Variants in FLNB observed in about 807,000 individuals in gnomAD.
The protein encoded by FLNB is filamin B.
FLNB carries 111 observed loss-of-function variants against 250.6 expected under a neutral mutation model. The observed-to-expected ratio is 0.44, with a 90% CI of 0.38 to 0.52. The LOEUF is 0.52. Among genes scored for constraint, FLNB ranks in the 20% least tolerant of loss-of-function variants. The pLI is 0.00. For synonymous variants in FLNB, 1,302 were observed against 1,372.1 expected (o/e 0.95, Z 1.13); for missense variants, 2,869 against 3,447.8 (o/e 0.83, Z 4.20).
At chr3:58,093,633 TCACACACACACACACA>T (rs3060336) in intron 4 of FLNB, among the ~76,000 whole-genome samples, 1 of 149,464 alleles carries the variant, frequency 6.7e-6, no homozygotes, top group Admixed American at 6.7e-5. Flanking sequence ...ATACTTATGT[TCACACACACACACACA>T]CACACACACA....
intron 1 of FLNB, among the ~76,000 whole-genome samples, chr3:58,020,224 T>TG (rs2097111795): frequency 6.6e-6 from 1 of 152,182 alleles, no homozygotes. Context: ...GTTTAACTGG[T>TG]GGGAGGGTGT....
chr3:58,105,027 G>A (rs2097257393), intron 10 of FLNB, 53 bp from the exon 11 acceptor site: 2 of 1,612,246 alleles, frequency 1.2e-6, no homozygotes, highest in Non-Finnish European at 1.7e-6. Flanking sequence ...TATGGCTATA[G>A]TGACACCTTA....
intron 1 of FLNB, among the ~76,000 whole-genome samples, chr3:58,012,561 C>G (rs1229111385): frequency 6.6e-6 from 1 of 152,152 alleles, no homozygotes; most frequent in Non-Finnish European, 1.5e-5. Flanking sequence ...AGGGTGGTGG[C>G]TGGATACCCA....
intron 1 of FLNB, among the ~76,000 whole-genome samples, chr3:58,020,735 A>C (rs557658592): frequency 4.0e-4 from 58 of 144,110 alleles, no homozygotes; most frequent in Non-Finnish European, 5.7e-4. Context: ...AAAAAAAAAA[A>C]GGCTACTAAA....
chr3:58,098,412 C>A (rs11712142), intron 7 of FLNB, among the ~76,000 whole-genome samples: 2 of 152,212 alleles, frequency 1.3e-5, no homozygotes, highest in African/African-American at 2.4e-5. Flanking sequence ...CTCAACGCAA[C>A]CTCCGCCTCC....
chr3:58,058,762 T>C (rs1379312963), intron 1 of FLNB, among the ~76,000 whole-genome samples: 1 of 152,230 alleles, frequency 6.6e-6, no homozygotes. Context: ...AAGTTGTAGA[T>C]TAGAGAAAGC....
chr3:58,016,641 G>T (rs1292790782), intron 1 of FLNB, among the ~76,000 whole-genome samples: 2 of 151,942 alleles, frequency 1.3e-5, no homozygotes, highest in African/African-American at 4.8e-5. Context: ...TCCCCTTGGG[G>T]TGGACATACC....
chr3:58,125,717 G>A lies in FLNB; in HGVS notation c.4035G>A (p.Lys1345=), dbSNP rs752584745. The change falls in exon 23 of 46, where the codon AAG becomes AAA. Residue 1345 remains lysine (K), a synonymous_variant. Transcript: ENST00000295956. ...GPGLKEAFTN[K]PNVFTVVTRG... ...GATTGAAAGAGGCCTTTACCAACAA[G>A]CCCAATGTCTTCACCGTGGTTACCA... The A allele has an allele frequency of 6.2e-7, 1 of 1,614,058 alleles. No homozygotes were observed. The highest frequency in any genetic ancestry group is 2.2e-5 in the East Asian group (1 of 44,896).
Position 58,145,975 on chromosome 3 carries a change from A to G in FLNB, c.5480A>G (p.Tyr1827Cys). The G allele has an allele frequency of 6.2e-7, 1 of 1,614,172 alleles. No homozygotes were observed. Among genetic ancestry groups the G allele is most frequent in the Non-Finnish European group, 8.5e-7 (1 of 1,180,018 alleles). Reference sequence around the variant, plus strand: ...CCCAACAGTGGAAGTGTTTCTGCATACGGTCCAGGCCTCGTGTATGGAGTG... The same window carrying G: ...CCCAACAGTGGAAGTGTTTCTGCATGCGGTCCAGGCCTCGTGTATGGAGTG... ...NYPNSGSVSAYGPGLVYGVAN... is the reference protein window; with the variant it reads ...NYPNSGSVSACGPGLVYGVAN... The change falls in exon 33 of 46, where the codon TAC becomes TGC. Residue 1827 changes from tyrosine to cysteine, a missense_variant. Coordinates refer to ENST00000295956, the MANE Select transcript of FLNB (RefSeq NM_001457.4).
intron 1 of FLNB, among the ~76,000 whole-genome samples, chr3:58,056,868 C>T (rs868244608): frequency 1.3e-5 from 2 of 152,110 alleles, no homozygotes; most frequent in South Asian, 2.1e-4. Context: ...GGATTACAGG[C>T]GTGAGCCACC....
rs374353399 is a variant in FLNB, at chr3:58,008,467, G to T, written c.-98G>T. ...TCCGGTAGCAGCAAGTTCGAACCCC[G>T]CTCCCGCTCCGCTTCGGTTCTCGCT... On this transcript the variant is annotated 5_prime_UTR_variant, in exon 1 of 46. Coordinates refer to ENST00000295956, the MANE Select transcript of FLNB (RefSeq NM_001457.4). 17 of 1,425,450 alleles carry T rather than the reference G, an allele frequency of 1.2e-5. No homozygotes were observed. The African/African-American group carries it at 1.4e-4, about 12-fold the overall frequency. 88.3% of individuals were successfully genotyped at this position (1,425,450 alleles called of 1,614,324 possible). A position where few individuals can be genotyped will look rare whatever the true frequency, so the allele number is the denominator to read the frequency against.
At chr3:58,155,495 A>G (rs997985789) in intron 40 of FLNB, among the ~76,000 whole-genome samples, 2 of 152,258 alleles carry the variant, frequency 1.3e-5, no homozygotes, top group Non-Finnish European at 2.9e-5. Context: ...TGGTGACAGT[A>G]TATTAACTGT....
intron 16 of FLNB, among the ~76,000 whole-genome samples, chr3:58,111,583 G>A (rs1336678582): frequency 1.3e-5 from 2 of 152,194 alleles, no homozygotes; most frequent in Non-Finnish European, 2.9e-5. Flanking sequence ...AGGGATCCAG[G>A]CATTAGAGAG....
At chr3:58,127,856 T>C (rs1484677990) in intron 24 of FLNB, among the ~76,000 whole-genome samples, 1 of 152,250 alleles carries the variant, frequency 6.6e-6, no homozygotes, top group African/African-American at 2.4e-5. Context: ...ATTTTATTTA[T>C]TTATTTCAAT....
chr3:58,112,196 G>A lies in FLNB; in HGVS notation c.2623G>A (p.Ala875Thr). The A allele has an allele frequency of 6.2e-7, 1 of 1,614,182 alleles. No homozygotes were observed. The highest frequency in any genetic ancestry group is 8.5e-7 in the Non-Finnish European group (1 of 1,180,020). The stretch of plus-strand genomic sequence containing the variant: ...CCACTTCACTGTCTACACCAAGGGG[G>A]CTGGGAAAGCCCCGCTCAACGTGCA... Reference protein sequence around the residue: ...PTHFTVYTKGAGKAPLNVQFN... With the variant: ...PTHFTVYTKGTGKAPLNVQFN... Residue 875 changes from alanine to threonine, a missense_variant, in exon 18 of 46, where the codon GCT becomes ACT. Around this residue, in one of 5 missense-constraint regions of FLNB, gnomAD observed 1,348 missense variants for 1,466.7 expected, o/e 0.92. Coordinates refer to ENST00000295956, the MANE Select transcript of FLNB (RefSeq NM_001457.4).
intron 4 of FLNB, among the ~76,000 whole-genome samples, chr3:58,084,718 A>T (rs1003963895): frequency 6.6e-6 from 1 of 152,106 alleles, no homozygotes; most frequent in Non-Finnish European, 1.5e-5. Context: ...AACTTTTTCA[A>T]CTTCCCAAAC....
chr3:58,018,126 G>A (rs1296949713), intron 1 of FLNB, among the ~76,000 whole-genome samples: 6 of 151,948 alleles, frequency 3.9e-5, no homozygotes, highest in Admixed American at 3.3e-4. Context: ...CACACCTTCC[G>A]TCTGCTGAGC....
chr3:58,109,148 A>G (rs897606064), intron 13 of FLNB, 31 bp from the exon 14 acceptor site: 12 of 1,613,994 alleles, frequency 7.4e-6, no homozygotes, highest in Non-Finnish European at 9.3e-6. Context: ...TGTGAGGGCC[A>G]CCTCTGGTCC....
At chr3:58,103,295 C>T (rs867330480) in intron 9 of FLNB, among the ~76,000 whole-genome samples, 9 of 118,586 alleles carry the variant, frequency 7.6e-5, no homozygotes, top group Admixed American at 3.4e-4. Flanking sequence ...TGTGTGTGTG[C>T]ACGCGCGTGC....
Sources: allele counts gnomAD v4.1 joint callset (sites outside exome capture counted in the v4.1 genomes callset), GRCh38; gene constraint gnomAD v4.1.1; regional missense constraint gnomAD v4.1.1; transcripts MANE v1.5; gene names NCBI Gene and HGNC (gene_info 2026-07-23, HGNC 2026-07-21).